Variants in TMEM114 observed in about 807,000 individuals in gnomAD.
TMEM114 encodes the protein transmembrane protein 114.
A neutral mutation model predicts 6.2 loss-of-function variants in TMEM114; 6 were observed. The ratio of observed to expected loss-of-function variants is 0.97; its 90% CI spans 0.53 to 1.91. The LOEUF (loss-of-function observed/expected upper bound fraction) is 1.91. Ranked by LOEUF, TMEM114 falls within the 40% of genes most tolerant of loss-of-function variation. The pLI, the probability that TMEM114 is intolerant of heterozygous loss-of-function variation, is 0.01. For missense variants in TMEM114, 218 were observed against 158.3 expected, an observed-to-expected ratio of 1.38 and a Z score of -2.02; for synonymous variants, 104 against 73.0, an observed-to-expected ratio of 1.42 and a Z score of -2.16.
chr16:8,574,565 CTTT>C (rs1357574863), intron 2 of TMEM114, among the ~76,000 whole-genome samples: 49 of 143,774 alleles, frequency 3.4e-4, no homozygotes, highest in African/African-American at 1.2e-3. Flanking sequence ...TTCTTTCTTT[CTTT>C]CTTTCCTTCC....
At chr16:8,560,907 G>A (rs1450572108) in intron 2 of TMEM114, among the ~76,000 whole-genome samples, 1 of 152,198 alleles carries the variant, frequency 6.6e-6, no homozygotes, top group African/African-American at 2.4e-5. Context: ...TGGACTCACA[G>A]TTCCACGTGG....
At chr16:8,572,371 G>T in intron 2 of TMEM114, 147 bp from the exon 3 acceptor site, 1 of 825,316 alleles carries the variant, frequency 1.2e-6, no homozygotes, top group Non-Finnish European at 2.0e-6. Context: ...TGTTTCTGAT[G>T]ATGATGATGA....
At chr16:8,559,097 C>T (rs1453250667) in intron 2 of TMEM114, among the ~76,000 whole-genome samples, 1 of 152,058 alleles carries the variant, frequency 6.6e-6, no homozygotes, top group Non-Finnish European at 1.5e-5. Context: ...GGCTGGAGTG[C>T]AGTGGCATGA....
At chr16:8,559,133 C>T (rs549043536) in intron 2 of TMEM114, among the ~76,000 whole-genome samples, 1 of 152,080 alleles carries the variant, frequency 6.6e-6, no homozygotes, top group Non-Finnish European at 1.5e-5. Context: ...ACCTCTTCTT[C>T]CCAGGTTCAA....
chr16:8,562,512 C>CTGACTGAGTGAG (rs1901280867), intron 2 of TMEM114, among the ~76,000 whole-genome samples: 1 of 20,616 alleles, frequency 4.9e-5, no homozygotes, highest in East Asian at 3.0e-3. Flanking sequence ...AAATGAGTGA[C>CTGACTGAGTGAG]TGAATGAGTG....
intron 2 of TMEM114, among the ~76,000 whole-genome samples, chr16:8,538,924 A>G (rs945101960): frequency 6.6e-6 from 1 of 152,202 alleles, no homozygotes; most frequent in Non-Finnish European, 1.5e-5. Context: ...TTTATAATGT[A>G]TCTGTGTGTG....
chr16:8,556,923 C>G (rs961254390), intron 2 of TMEM114, among the ~76,000 whole-genome samples: 5 of 152,200 alleles, frequency 3.3e-5, no homozygotes, highest in African/African-American at 1.2e-4. Flanking sequence ...AATGTGGCCC[C>G]TGCTGACCGC....
chr16:8,558,696 C>T (rs989747387), intron 2 of TMEM114, among the ~76,000 whole-genome samples: 4 of 152,110 alleles, frequency 2.6e-5, no homozygotes. Context: ...TCTCAGGGCC[C>T]CATTGACAGA....
chr16:8,550,623 A>T (rs2141658243), intron 2 of TMEM114, among the ~76,000 whole-genome samples: 1 of 151,750 alleles, frequency 6.6e-6, no homozygotes, highest in South Asian at 2.1e-4. Context: ...GGTTGCAGTG[A>T]GCTGAGATCG....
At chr16:8,531,705 T>C in the TMEM114 span, among the ~76,000 whole-genome samples, 2 of 152,206 alleles carry the variant, frequency 1.3e-5, no homozygotes, top group Admixed American at 6.5e-5. Context: ...AAAGTAACAA[T>C]TGAATAATTC....
intron 2 of TMEM114, among the ~76,000 whole-genome samples, chr16:8,573,011 T>C (rs1901787082): frequency 6.6e-6 from 1 of 152,222 alleles, no homozygotes; most frequent in South Asian, 2.1e-4. Flanking sequence ...CCGGCCCCGT[T>C]CTCTACAAGA....
At chr16:8,550,550 T>C (rs1338039537) in intron 2 of TMEM114, among the ~76,000 whole-genome samples, 1 of 151,952 alleles carries the variant, frequency 6.6e-6, no homozygotes, top group African/African-American at 2.4e-5. Context: ...TGGTGGTGCA[T>C]GCCTGTAATC....
the TMEM114 span, among the ~76,000 whole-genome samples, chr16:8,531,135 A>G: frequency 2.0e-5 from 3 of 152,224 alleles, no homozygotes; most frequent in Non-Finnish European, 4.4e-5. Flanking sequence ...AAATATTTTG[A>G]AAATGTAGAC....
At chr16:8,587,400 T>A in intron 2 of TMEM114, among the ~76,000 whole-genome samples, 1 of 152,312 alleles carries the variant, frequency 6.6e-6, no homozygotes, top group East Asian at 1.9e-4. Context: ...GAGCTTTCAA[T>A]CTAATGAGGG....
chr16:8,537,954 GAA>G (rs1053078777), intron 2 of TMEM114: 8 of 151,954 alleles, frequency 5.3e-5, no homozygotes, highest in African/African-American at 1.9e-4. Flanking sequence ...AGAGAGAAAA[GAA>G]AAAGGAAAGG....
chr16:8,568,946 CAG>C (rs956503286), downstream of TMEM114, among the ~76,000 whole-genome samples: 1 of 152,378 alleles, frequency 6.6e-6, no homozygotes, highest in African/African-American at 2.4e-5. Context: ...TTTATGCAAA[CAG>C]TGGCTCTGGG....
intron 2 of TMEM114, among the ~76,000 whole-genome samples, chr16:8,572,641 G>A (rs189930831): frequency 9.9e-4 from 151 of 152,240 alleles, no homozygotes; most frequent in Non-Finnish European, 1.6e-3. Context: ...TTGATATGTT[G>A]CCCAGACTGG....
chr16:8,568,657 A>C (rs896899467), downstream of TMEM114, among the ~76,000 whole-genome samples: 1 of 152,128 alleles, frequency 6.6e-6, no homozygotes, highest in African/African-American at 2.4e-5. Flanking sequence ...TATTCCCCAA[A>C]CCATCAGCAC....
chr16:8,580,111 G>C (rs796853815), intron 2 of TMEM114, among the ~76,000 whole-genome samples: 1 of 152,130 alleles, frequency 6.6e-6, no homozygotes, highest in Non-Finnish European at 1.5e-5. Context: ...AGCCCCACAA[G>C]CCACACTAAT....
Sources: gnomAD v4.1 joint callset for allele counts (sites outside exome capture counted in the v4.1 genomes callset) on GRCh38, gnomAD v4.1.1 for gene constraint, MANE v1.5 for transcripts, NCBI Gene and HGNC (gene_info 2026-07-23, HGNC 2026-07-21) for gene names.